Variants in ASS1 observed in about 807,000 individuals in gnomAD.
The protein encoded by ASS1 is argininosuccinate synthase.
ASS1 carries 58 observed loss-of-function variants against 60.5 expected under a neutral mutation model. The observed-to-expected ratio is 0.96, with a 90% confidence interval of 0.78 to 1.19. The LOEUF is 1.19. ASS1 is among the 50% of genes most tolerant of loss of function. The pLI is 0.00. For synonymous variants in ASS1, 200 were observed against 206.9 expected, an observed-to-expected ratio of 0.97 and a Z score of 0.29; for missense variants, 454 against 547.3, an observed-to-expected ratio of 0.83 and a Z score of 1.70.
chr9:130,445,245 CGCGAGTCCCCG>C lies in ASS1; in HGVS notation c.-6+252_-6+262del, dbSNP rs1845168088. 10 of 960,756 alleles carry C rather than the reference CGCGAGTCCCCG, an allele frequency of 1.0e-5. No homozygotes were observed. In the Admixed American group the frequency reaches 1.9e-4, roughly 18 times the overall value. The allele number at this position is 960,756 out of a possible 1,614,324, so 59.5% of individuals were successfully genotyped here. On this transcript the variant is annotated intron_variant, in intron 1 of 14. Coordinates refer to ENST00000352480, the MANE Select transcript of ASS1 (RefSeq NM_054012.4). ...CGGCGGGGGCGCGAGTCCCCGGGGG[CGCGAGTCCCCG>C]GGTCCGAAGAGCGGCTCGGGTTATT...
At chr9:130,486,872 C>A (rs1406079200) in intron 11 of ASS1, among the ~76,000 whole-genome samples, 1 of 152,250 alleles carries the variant, frequency 6.6e-6, no homozygotes, top group Non-Finnish European at 1.5e-5. Flanking sequence ...GAGAACCAAG[C>A]TTTTCCTCCA....
chr9:130,484,296 A>G (rs981781507), intron 11 of ASS1, among the ~76,000 whole-genome samples: 3 of 152,122 alleles, frequency 2.0e-5, no homozygotes, highest in Non-Finnish European at 4.4e-5. Context: ...TCAATTCTGC[A>G]AAATTGCTCA....
intron 13 of ASS1, 55 bp downstream of exon 13, chr9:130,495,078 G>T: frequency 6.4e-7 from 1 of 1,553,296 alleles, no homozygotes; most frequent in South Asian, 1.2e-5. Context: ...CCTATCTTTT[G>T]ACTGGATCCT....
intron 3 of ASS1, among the ~76,000 whole-genome samples, chr9:130,456,208 G>A (rs771790981): frequency 1.8e-4 from 27 of 152,242 alleles, no homozygotes; most frequent in Non-Finnish European, 2.8e-4. Context: ...GCTCACGCCT[G>A]TAATCCCAGC....
chr9:130,499,409 C>T (rs1846682211), intron 13 of ASS1, 96 bp from the exon 14 acceptor site: 2 of 1,280,950 alleles, frequency 1.6e-6, no homozygotes, highest in Admixed American at 3.8e-5. Flanking sequence ...AATGCCCTGG[C>T]ATCTGGGAGG....
chr9:130,501,090 G>A lies in ASS1; in HGVS notation c.*69G>A, dbSNP rs1346293682. ...CCCCCAAGTACAGGCGCTAATTGTT[G>A]TGATAATTTGTAATTGTGACTTGTT... On this transcript the variant is annotated 3_prime_UTR_variant, in exon 15 of 15. Coordinates refer to ENST00000352480, the MANE Select transcript of ASS1 (RefSeq NM_054012.4). The A allele has an allele frequency of 1.2e-5, 18 of 1,503,212 alleles. No individual in the cohort carries two copies. Among genetic ancestry groups the A allele is most frequent in the Non-Finnish European group, 1.4e-5 (15 of 1,090,422 alleles). 93.1% of individuals were successfully genotyped at this position (1,503,212 alleles called of 1,614,324 possible).
rs1350859752 is a variant in ASS1 at position 130,489,194 on chromosome 9, T to C, written c.839-139T>C. ...GATGCATTTTGCAGCAAGCTGGGAG[T>C]GAATGGGTCCGGCCGGCTTGTCTCC... On this transcript the variant is annotated intron_variant, in intron 11 of 14. Transcript: ENST00000352480. The surrounding 1 kb of genome is among the most constrained non-coding windows in gnomAD (Gnocchi z 4.1). The C allele has an allele frequency of 1.1e-5, 13 of 1,186,594 alleles. No homozygotes were observed. Among genetic ancestry groups the C allele is most frequent in the Non-Finnish European group, 1.5e-5 (13 of 839,542 alleles). 73.5% of individuals were successfully genotyped at this position (1,186,594 alleles called of 1,614,324 possible). A position where few individuals can be genotyped will look rare whatever the true frequency, so the allele number is the denominator to read the frequency against.
At chr9:130,465,034 TTATATATA>T (rs200387339) in intron 5 of ASS1, among the ~76,000 whole-genome samples, 67 of 139,284 alleles carry the variant, frequency 4.8e-4, no homozygotes, top group African/African-American at 1.5e-3. Flanking sequence ...TACATATGTT[TTATATATA>T]TATATATATA....
chr9:130,465,056 ATTTTT>A (rs796874986), intron 5 of ASS1, among the ~76,000 whole-genome samples: 1 of 120,150 alleles, frequency 8.3e-6, no homozygotes, highest in African/African-American at 3.6e-5. Context: ...ATATATATAT[ATTTTT>A]TTTTTTTCTT....
In ASS1 at chr9:130,501,110, C is replaced by T; in HGVS notation, c.*89C>T. On this transcript the variant is annotated 3_prime_UTR_variant, in exon 15 of 15. Coordinates refer to ENST00000352480, the MANE Select transcript of ASS1 (RefSeq NM_054012.4). ...TTGTTGTGATAATTTGTAATTGTGA[C>T]TTGTTCTCCCCGGCTGGCAGCGTAG... The T allele has an allele frequency of 7.0e-7, 1 of 1,431,460 alleles. No homozygotes were observed. 88.7% of individuals were successfully genotyped at this position (1,431,460 alleles called of 1,614,324 possible). A position where few individuals can be genotyped will look rare whatever the true frequency, so the allele number is the denominator to read the frequency against.
intron 11 of ASS1, 126 bp downstream of exon 11, chr9:130,480,575 C>T: frequency 9.8e-7 from 1 of 1,019,680 alleles, no homozygotes; most frequent in South Asian, 1.4e-5. Context: ...CACGTCCTTT[C>T]ACCACACCCC....
chr9:130,471,224 G>C (rs540182658), intron 7 of ASS1, among the ~76,000 whole-genome samples: 1 of 152,290 alleles, frequency 6.6e-6, no homozygotes, highest in Non-Finnish European at 1.5e-5. Flanking sequence ...TTAAGGCAGA[G>C]GCAGAGGCCC....
intron 11 of ASS1, 147 bp downstream of exon 11, chr9:130,480,596 A>G: frequency 1.2e-6 from 1 of 823,526 alleles, no homozygotes; most frequent in Admixed American, 2.0e-5. Flanking sequence ...GTGAGACCGC[A>G]GTTTCCCTCC....
intron 2 of ASS1, among the ~76,000 whole-genome samples, chr9:130,452,828 C>G (rs1564901493): frequency 1.3e-5 from 2 of 152,172 alleles, no homozygotes; most frequent in South Asian, 2.1e-4. Flanking sequence ...CTTCCTCATC[C>G]AGGGCCCATA....
Position 130,501,263 on chromosome 9 carries a change from CTT to C in ASS1, c.*245_*246del. On this transcript the variant is annotated 3_prime_UTR_variant, in exon 15 of 15. Coordinates refer to ENST00000352480, the MANE Select transcript of ASS1 (RefSeq NM_054012.4). ...AATGACAATTAAAAGAGACACTAGT[CTT>C]TTATTTCTAGTGAGTGTGTGTGTGT... 2 of 509,766 alleles carry C rather than the reference CTT, an allele frequency of 3.9e-6. No individual in the cohort carries two copies. The highest frequency in any genetic ancestry group is 5.6e-4 in the Middle Eastern group (1 of 1,774). The allele number at this position is 509,766 out of a possible 1,614,324, so 31.6% of individuals were successfully genotyped here. A position where few individuals can be genotyped will look rare whatever the true frequency, so the allele number is the denominator to read the frequency against.
At chr9:130,461,448 G>A (rs948148495) in intron 4 of ASS1, among the ~76,000 whole-genome samples, 1 of 144,012 alleles carries the variant, frequency 6.9e-6, no homozygotes, top group African/African-American at 2.4e-5. Context: ...GGACCTGCAG[G>A]GCGTGGTTCT....
intron 8 of ASS1, among the ~76,000 whole-genome samples, chr9:130,474,328 C>T (rs998174695): frequency 1.3e-5 from 2 of 152,174 alleles, no homozygotes; most frequent in Non-Finnish European, 2.9e-5. Context: ...GAAACTCGTC[C>T]TCCAGTCTTC....
chr9:130,478,633 CAAT>C lies in ASS1; in HGVS notation c.689-1082_689-1080del, dbSNP rs1182656469. The stretch of plus-strand genomic sequence containing the variant: ...AGGCTTTCTCCAGCAGCAGCACCAA[CAAT>C]GTCACCTCTTCTCCCGGGCAGGCCC... On this transcript the variant is annotated intron_variant, in intron 9 of 14. Coordinates refer to ENST00000352480, the MANE Select transcript of ASS1 (RefSeq NM_054012.4). This position sits in a 1 kb window ranked among gnomAD's most constrained non-coding sequence, Gnocchi z 4.7. 6.6e-6 allele frequency among the ~76,000 whole-genome samples: 1 copy of C among 152,184 alleles called. No homozygotes were observed. The highest frequency in any genetic ancestry group is 2.4e-5 in the African/African-American group (1 of 41,440).
At chr9:130,475,527 C>T (rs1393966110) in intron 8 of ASS1, among the ~76,000 whole-genome samples, 1 of 152,086 alleles carries the variant, frequency 6.6e-6, no homozygotes, top group Non-Finnish European at 1.5e-5. Context: ...GTGTATTTGG[C>T]GAGGACCTCG....
Sources: allele counts gnomAD v4.1 joint callset (sites outside exome capture counted in the v4.1 genomes callset), GRCh38; gene constraint gnomAD v4.1.1; non-coding constraint Gnocchi (gnomAD v3.1); transcripts MANE v1.5; gene names NCBI Gene and HGNC (gene_info 2026-07-23, HGNC 2026-07-21).